The following MYO5B variants were observed in gnomAD, a reference collection of about 807,000 sequenced individuals.
The protein encoded by MYO5B is unconventional myosin-Vb.
A neutral mutation model predicts 229.3 loss-of-function variants in MYO5B; 143 were observed. The ratio of observed to expected loss-of-function variants is 0.62; its 90% CI spans 0.54 to 0.72. MYO5B has a LOEUF of 0.72. Ranked by LOEUF, MYO5B falls within the 30% of genes least tolerant of loss-of-function variation. The pLI is 0.00. For missense variants in MYO5B, 2,321 were observed against 2,331.0 expected, an observed-to-expected ratio of 1.00 and a Z score of 0.09; for synonymous variants, 918 against 885.2, an observed-to-expected ratio of 1.04 and a Z score of -0.66.
chr18:50,100,917 G>A (rs2031642505), intron 1 of MYO5B, among the ~76,000 whole-genome samples: 1 of 152,178 alleles, frequency 6.6e-6, no homozygotes, highest in South Asian at 2.1e-4. Context: ...GGAGGGACAG[G>A]GCTTGGGCCA....
At chr18:49,989,918 G>A (rs781758876) in intron 7 of MYO5B, among the ~76,000 whole-genome samples, 2 of 152,284 alleles carry the variant, frequency 1.3e-5, no homozygotes, top group Middle Eastern at 6.8e-3. Context: ...TGGCAGTCCA[G>A]AGTCTCACAT....
chr18:49,887,773 C>T (rs141864514), intron 22 of MYO5B, among the ~76,000 whole-genome samples: 180 of 152,266 alleles, frequency 1.2e-3, no homozygotes, highest in Non-Finnish European at 2.1e-3. Context: ...CTCTGCCTCC[C>T]GAGTTCAAGC....
At chr18:50,101,572 G>A (rs555198244) in intron 1 of MYO5B, among the ~76,000 whole-genome samples, 16 of 151,934 alleles carry the variant, frequency 1.1e-4, no homozygotes, top group Admixed American at 2.6e-4. Context: ...CAACTCCATC[G>A]AAAACTGGGA....
intron 1 of MYO5B, chr18:50,063,900 G>A (rs887707573): frequency 6.6e-5 from 10 of 152,328 alleles, no homozygotes; most frequent in African/African-American, 2.2e-4. Flanking sequence ...ACTGCCCTAT[G>A]AATGTAGTTA....
intron 1 of MYO5B, among the ~76,000 whole-genome samples, chr18:50,058,742 C>T (rs1013513656): frequency 6.6e-6 from 1 of 151,156 alleles, no homozygotes; most frequent in Admixed American, 6.6e-5. Context: ...GTCCGGGAGG[C>T]GGAGGTTGCA....
At chr18:50,116,023 C>G (rs937004607) in intron 1 of MYO5B, among the ~76,000 whole-genome samples, 2 of 152,158 alleles carry the variant, frequency 1.3e-5, no homozygotes, top group African/African-American at 4.8e-5. Context: ...CTTTCCATCC[C>G]CCCATCTCTT....
chr18:49,852,963 T>C (rs1172574367), intron 31 of MYO5B, among the ~76,000 whole-genome samples: 4 of 152,234 alleles, frequency 2.6e-5, no homozygotes, highest in Admixed American at 2.0e-4. Flanking sequence ...CTTCCATTTC[T>C]CTGGCACCTG....
chr18:50,016,743 A>G (rs1343718880), intron 4 of MYO5B, among the ~76,000 whole-genome samples: 1 of 152,198 alleles, frequency 6.6e-6, no homozygotes, highest in Non-Finnish European at 1.5e-5. Context: ...CCATCACAAT[A>G]GAACATTTTC....
chr18:50,068,319 T>C (rs951963034), intron 1 of MYO5B, among the ~76,000 whole-genome samples: 2 of 152,234 alleles, frequency 1.3e-5, no homozygotes, highest in Non-Finnish European at 2.9e-5. Flanking sequence ...AGGTTCTGGA[T>C]ACAGCCTGAG....
At chr18:49,847,043 G>T (rs2024137069) in intron 33 of MYO5B, 103 bp downstream of exon 33, 2 of 1,456,278 alleles carry the variant, frequency 1.4e-6, no homozygotes, top group East Asian at 2.3e-5. Context: ...TGGGGGCTGT[G>T]CAGGAGGTGA....
At position 50,011,884 on chromosome 18, in the gene MYO5B, AG is replaced by A. The variant is rs759689132; in HGVS notation, c.456-10474del. ...ACCCTGTAGTACGGTGGGTATAGTT[AG>A]GGCCTCTGACACTCCAGGCCCTGCA... is the stretch of plus-strand genomic sequence containing the variant. On this transcript the variant is annotated intron_variant, in intron 4 of 39. Transcript: ENST00000285039. Among the ~76,000 whole-genome samples, 105 of 151,862 alleles carry A rather than the reference AG, an allele frequency of 6.9e-4. 1 individual carries two copies. Among genetic ancestry groups the A allele is most frequent in the Non-Finnish European group, 4.0e-4 (27 of 67,972 alleles).
chr18:49,946,059 T>C (rs1223623222), intron 14 of MYO5B, among the ~76,000 whole-genome samples: 2 of 152,088 alleles, frequency 1.3e-5, no homozygotes, highest in African/African-American at 2.4e-5. Context: ...ATAACTATAC[T>C]ATTGGGTAGT....
chr18:49,919,947 T>G (rs529974407), intron 17 of MYO5B, among the ~76,000 whole-genome samples: 3 of 152,246 alleles, frequency 2.0e-5, no homozygotes, highest in Non-Finnish European at 4.4e-5. Context: ...ATATAAAATG[T>G]GCTGTATCTA....
chr18:49,974,633 G>T lies in MYO5B; in HGVS notation c.1057-18C>A, dbSNP rs377041977. ...TCCTGGGGCTGTGGGAGATGGGGGAGATAGGTTCAGGAGGAGTGTGGGAGA... is the reference window on the plus strand; with the variant it reads ...TCCTGGGGCTGTGGGAGATGGGGGATATAGGTTCAGGAGGAGTGTGGGAGA... On this transcript the variant is annotated intron_variant, in intron 9 of 39. Coordinates refer to ENST00000285039, the MANE Select transcript of MYO5B (RefSeq NM_001080467.3). 1 of 1,611,600 alleles carries T rather than the reference G, an allele frequency of 6.2e-7. No homozygotes were observed. The highest frequency in any genetic ancestry group is 8.5e-7 in the Non-Finnish European group (1 of 1,178,906).
intron 39 of MYO5B, among the ~76,000 whole-genome samples, chr18:49,832,931 G>T (rs1330387239): frequency 2.0e-5 from 3 of 152,092 alleles, no homozygotes; most frequent in Non-Finnish European, 2.9e-5. Context: ...CCACTCTGAG[G>T]TTTGCTGCGT....
intron 26 of MYO5B, 135 bp downstream of exon 26, chr18:49,875,552 A>T: frequency 8.3e-7 from 1 of 1,210,330 alleles, no homozygotes; most frequent in Admixed American, 1.7e-5. Flanking sequence ...ACTCCAATGC[A>T]CTAAGTAGGA....
intron 1 of MYO5B, among the ~76,000 whole-genome samples, chr18:50,079,033 A>T (rs1175981673): frequency 6.6e-6 from 1 of 152,240 alleles, no homozygotes; most frequent in Non-Finnish European, 1.5e-5. Flanking sequence ...AAAGGTAAAC[A>T]ATGGTGTTAG....
intron 1 of MYO5B, among the ~76,000 whole-genome samples, chr18:50,088,910 C>G (rs961919626): frequency 6.6e-6 from 1 of 152,206 alleles, no homozygotes; most frequent in African/African-American, 2.4e-5. Flanking sequence ...TAGTGCTTGA[C>G]AGATCTTTGT....
chr18:49,917,612 G>T (rs1422773021), intron 17 of MYO5B, among the ~76,000 whole-genome samples: 1 of 152,132 alleles, frequency 6.6e-6, no homozygotes, highest in Non-Finnish European at 1.5e-5. Context: ...CTGGTTCACT[G>T]GCCAGGAGGC....
Sources: allele counts gnomAD v4.1 joint callset (sites outside exome capture counted in the v4.1 genomes callset), GRCh38; gene constraint gnomAD v4.1.1; transcripts MANE v1.5; gene names NCBI Gene and HGNC (gene_info 2026-07-23, HGNC 2026-07-21).